The following CWH43 variants were observed in gnomAD, a reference collection of about 807,000 sequenced individuals.
The protein encoded by CWH43 is PGAP2-interacting protein.
In CWH43, 91 loss-of-function variants were observed where a neutral mutation model predicts 85.7. The ratio of observed to expected loss-of-function variants is 1.06; its 90% CI spans 0.90 to 1.26. The LOEUF is 1.26. CWH43 is among the 50% of genes most tolerant of loss of function. The pLI, the probability that CWH43 is intolerant of heterozygous loss-of-function variation, is 0.00. For synonymous variants in CWH43, 323 were observed against 293.6 expected (o/e 1.10, Z -1.02); for missense variants, 869 against 839.2 (o/e 1.04, Z -0.44).
At chr4:49,003,207 G>A (rs1783048953) in intron 6 of CWH43, among the ~76,000 whole-genome samples, 1 of 152,164 alleles carries the variant, frequency 6.6e-6, no homozygotes, top group Non-Finnish European at 1.5e-5. Context: ...TGCTAAAGCA[G>A]TGAGCCTACA....
intron 5 of CWH43, 40 bp downstream of exon 5, chr4:48,994,860 A>G (rs1193570116): frequency 2.6e-6 from 4 of 1,554,500 alleles, no homozygotes; most frequent in Admixed American, 1.7e-5. Context: ...ATCGGCAGTT[A>G]TGCCTGGAGG....
At chr4:49,061,730 G>A (rs1252818116) in intron 15 of CWH43, 82 bp from the exon 16 acceptor site, 2 of 1,105,556 alleles carry the variant, frequency 1.8e-6, no homozygotes, top group South Asian at 2.0e-5. Flanking sequence ...TTTATTTTAT[G>A]ATTGAAATTT....
At chr4:49,039,400 GAT>G (rs1213438874) in intron 13 of CWH43, among the ~76,000 whole-genome samples, 14 of 88,306 alleles carry the variant, frequency 1.6e-4, no homozygotes, top group Admixed American at 2.8e-4. Flanking sequence ...TATACACACT[GAT>G]ATATATATAT....
intron 9 of CWH43, among the ~76,000 whole-genome samples, chr4:49,020,416 C>CACACACACACATACACATAT: frequency 7.8e-6 from 1 of 128,394 alleles, no homozygotes; most frequent in Non-Finnish European, 1.7e-5. Context: ...CACACACACA[C>CACACACACACATACACATAT]ATATATATAT....
chr4:49,058,226 G>T (rs1366001932), intron 15 of CWH43, among the ~76,000 whole-genome samples: 1 of 151,876 alleles, frequency 6.6e-6, no homozygotes, highest in Non-Finnish European at 1.5e-5. Context: ...AGTATGCTTT[G>T]ATTGCTTTCT....
At chr4:48,993,468 A>G (rs2109745013) in intron 4 of CWH43, among the ~76,000 whole-genome samples, 1 of 152,138 alleles carries the variant, frequency 6.6e-6, no homozygotes, top group African/African-American at 2.4e-5. Flanking sequence ...GGGAAATTAG[A>G]CTGCCAGCCA....
At chr4:49,014,580 G>A (rs562517782) in intron 8 of CWH43, among the ~76,000 whole-genome samples, 1 of 151,640 alleles carries the variant, frequency 6.6e-6, no homozygotes, top group Non-Finnish European at 1.5e-5. Context: ...AGCAGTTTTT[G>A]TTTTTAATCC....
chr4:49,041,534 G>T (rs1488372163), intron 13 of CWH43, among the ~76,000 whole-genome samples: 1 of 152,104 alleles, frequency 6.6e-6, no homozygotes, highest in Non-Finnish European at 1.5e-5. Context: ...CTCATGATTT[G>T]GCTCTCTGTT....
chr4:49,043,480 C>T (rs1784530264), intron 13 of CWH43, among the ~76,000 whole-genome samples: 1 of 152,126 alleles, frequency 6.6e-6, no homozygotes, highest in African/African-American at 2.4e-5. Context: ...TCTTGGTTTC[C>T]ACTGTCGTGA....
intron 6 of CWH43, among the ~76,000 whole-genome samples, chr4:49,000,532 G>A (rs533196649): frequency 7.0e-4 from 106 of 152,212 alleles, no homozygotes; most frequent in Non-Finnish European, 1.2e-3. Context: ...TTTGCATTAA[G>A]CATATACAGT....
At chr4:49,030,767 A>T in intron 10 of CWH43, 58 bp from the exon 11 acceptor site, 1 of 1,460,582 alleles carries the variant, frequency 6.8e-7, no homozygotes. Context: ...AGTGTTGCTA[A>T]TTGTTTTTTG....
At chr4:49,039,427 A>G (rs1267920028) in intron 13 of CWH43, among the ~76,000 whole-genome samples, 1 of 137,000 alleles carries the variant, frequency 7.3e-6, no homozygotes, top group Non-Finnish European at 1.5e-5. Context: ...ATATATATAT[A>G]CACTTATATA....
At position 49,051,693 on chromosome 4, in the gene CWH43, C is replaced by T. The variant is rs552974121; in HGVS notation, c.2021+844C>T. ...CTGGGTTAAAGCAATTCTCCTGTCT[C>T]AGCCTCCTGAGTAGCTGGGACTACA... On this transcript the variant is annotated intron_variant, in intron 15 of 15. Coordinates refer to ENST00000226432, the MANE Select transcript of CWH43 (RefSeq NM_025087.3). 1.8e-4 allele frequency among the ~76,000 whole-genome samples: 28 copies of T among 152,254 alleles called. 1 individual carries two copies. In the South Asian group the frequency reaches 5.6e-3, roughly 30 times the overall value.
rs532236743 is a variant in CWH43 at position 49,032,938 on chromosome 4, C to A, written c.1658+223C>A. On this transcript the variant is annotated intron_variant, in intron 12 of 15. Coordinates refer to ENST00000226432, the MANE Select transcript of CWH43 (RefSeq NM_025087.3). ...GCCGTGTTAGTCTGCATTTACTGAG[C>A]TGTACAGTCAATTCCCTGTGCAGGG... Among the ~76,000 whole-genome samples the A allele has an allele frequency of 2.6e-5, 4 of 152,274 alleles. 1 individual carries two copies. In the East Asian group the frequency reaches 7.7e-4, roughly 29 times the overall value.
chr4:49,056,701 CT>C (rs1196829939), intron 15 of CWH43, among the ~76,000 whole-genome samples: 1 of 151,110 alleles, frequency 6.6e-6, no homozygotes, highest in African/African-American at 2.4e-5. Flanking sequence ...CTTTTGTTGA[CT>C]TCAGGCTTTG....
At chr4:49,033,953 C>G (rs539326559) in intron 12 of CWH43, among the ~76,000 whole-genome samples, 11 of 152,294 alleles carry the variant, frequency 7.2e-5, no homozygotes, top group African/African-American at 2.6e-4. Context: ...GTGTGCCACT[C>G]TTATTTCCCT....
At chr4:49,013,695 A>G (rs1477530068) in intron 8 of CWH43, among the ~76,000 whole-genome samples, 2 of 152,082 alleles carry the variant, frequency 1.3e-5, no homozygotes, top group African/African-American at 4.8e-5. Context: ...AATACTCTGT[A>G]TTGGTTTTAT....
chr4:49,043,966 T>G (rs1784545325), intron 13 of CWH43, among the ~76,000 whole-genome samples: 1 of 152,082 alleles, frequency 6.6e-6, no homozygotes, highest in Non-Finnish European at 1.5e-5. Flanking sequence ...AAATGAAGAA[T>G]TATATAATAA....
intron 9 of CWH43, among the ~76,000 whole-genome samples, chr4:49,018,110 G>A (rs553573971): frequency 6.6e-6 from 1 of 152,178 alleles, no homozygotes; most frequent in African/African-American, 2.4e-5. Context: ...GGGATTACAG[G>A]CATAAGCCAC....
Sources: gnomAD v4.1 joint callset for allele counts (sites outside exome capture counted in the v4.1 genomes callset) on GRCh38, gnomAD v4.1.1 for gene constraint, MANE v1.5 for transcripts, NCBI Gene and HGNC (gene_info 2026-07-23, HGNC 2026-07-21) for gene names.